The following LUZP4 variants were observed in gnomAD, a reference collection of about 807,000 sequenced individuals.
LUZP4 encodes leucine zipper protein 4.
Under a neutral mutation model 8.5 loss-of-function variants are expected in LUZP4, and 11 were observed. The observed-to-expected ratio is 1.30, with a 90% confidence interval of 0.82 to 2.14. The LOEUF is 2.14. Ranked by LOEUF, LUZP4 falls within the 30% of genes most tolerant of loss-of-function variation. The pLI, the probability that LUZP4 is intolerant of heterozygous loss-of-function variation, is 0.00. For missense variants in LUZP4, 276 were observed against 229.7 expected (o/e 1.20, Z -1.30); for synonymous variants, 104 against 79.4 (o/e 1.31, Z -1.65).
At chrX:115,294,318 T>A (rs1480396851) in intron 1 of LUZP4, among the ~76,000 whole-genome samples, 1 of 112,240 alleles carries the variant, frequency 8.9e-6, no homozygotes, top group Non-Finnish European at 1.9e-5. Context: ...AAAAATGTAG[T>A]AGTTGTGTGA....
intron 1 of LUZP4, 133 bp downstream of exon 1, chrX:115,289,983 G>C (rs2073341278): frequency 2.3e-6 from 1 of 440,969 alleles, no homozygotes; most frequent in African/African-American, 2.4e-5. Flanking sequence ...CCCCTTCAGG[G>C]CATCTCCGCA....
intron 1 of LUZP4, among the ~76,000 whole-genome samples, chrX:115,299,765 C>G (rs1443327601): frequency 9.0e-5 from 10 of 111,305 alleles, no homozygotes; most frequent in African/African-American, 2.9e-4. Context: ...ATTCCAAGAG[C>G]CCACTTGGTG....
intron 1 of LUZP4, among the ~76,000 whole-genome samples, chrX:115,299,864 T>C (rs2073388591): frequency 8.9e-6 from 1 of 111,846 alleles, no homozygotes; most frequent in Non-Finnish European, 1.9e-5. Context: ...TGGGTATTGC[T>C]GCTAGTTATT....
chrX:115,300,438 C>T (rs782812581), intron 1 of LUZP4, among the ~76,000 whole-genome samples: 19 of 112,524 alleles, frequency 1.7e-4, no homozygotes, highest in Non-Finnish European at 2.6e-4. Context: ...AGAAAGTTTA[C>T]GAATTTGTGT....
At chrX:115,291,460 G>A (rs1247250215) in intron 1 of LUZP4, among the ~76,000 whole-genome samples, 2 of 111,052 alleles carry the variant, frequency 1.8e-5, no homozygotes, top group East Asian at 2.9e-4. Context: ...CTTCAATGTG[G>A]AAGCGCAGGA....
intron 1 of LUZP4, among the ~76,000 whole-genome samples, chrX:115,294,972 A>G (rs957780914): frequency 8.9e-6 from 1 of 112,296 alleles, no homozygotes; most frequent in African/African-American, 3.2e-5. Context: ...CTCTATATCC[A>G]TATTTATACC....
chrX:115,298,906 T>C (rs1556600262), intron 1 of LUZP4, among the ~76,000 whole-genome samples: 1 of 111,457 alleles, frequency 9.0e-6, no homozygotes, highest in African/African-American at 3.3e-5. Flanking sequence ...TTTATTGTAG[T>C]CTTCACTGTC....
At chrX:115,295,363 G>A (rs1213344918) in intron 1 of LUZP4, among the ~76,000 whole-genome samples, 4 of 112,416 alleles carry the variant, frequency 3.6e-5, no homozygotes, top group African/African-American at 1.3e-4. Flanking sequence ...ACAGCCGTGA[G>A]CCACCGTGCC....
rs1345537849 is a variant in LUZP4, at chrX:115,306,732, G to C, written c.870G>C (p.Gln290His). ...LVATERDLIN[Q>H]SGRSHGQSER... ...CCACTGAGAGAGATCTCATAAATCAGTCAGGGAGATCTCATGGCCAATCAG... is the reference window on the plus strand; with the variant it reads ...CCACTGAGAGAGATCTCATAAATCACTCAGGGAGATCTCATGGCCAATCAG... Residue 290 changes from glutamine (Q) to histidine (H), a missense_variant, in exon 4 of 4, where the codon CAG becomes CAC. Physicochemically the swap from Gln to His is conservative, Grantham distance 24. Transcript: ENST00000371920. The C allele has an allele frequency of 3.3e-6, 4 of 1,201,457 alleles. No homozygotes were observed. In the African/African-American group the frequency reaches 7.1e-5, roughly 21 times the overall value.
intron 1 of LUZP4, among the ~76,000 whole-genome samples, chrX:115,296,678 G>A (rs1314323280): frequency 3.6e-5 from 4 of 110,441 alleles, no homozygotes; most frequent in African/African-American, 6.6e-5. Context: ...TCTCTAAGTC[G>A]TAGCTGGTGA....
Position 115,290,322 on chromosome X carries a change from G to A in LUZP4, c.91+472G>A, listed in dbSNP as rs191504244. Among the ~76,000 whole-genome samples, 3 of 111,135 alleles carry A rather than the reference G, an allele frequency of 2.7e-5. No individual in the cohort carries two copies. In the East Asian group the frequency reaches 8.6e-4, roughly 32 times the overall value. On this transcript the variant is annotated intron_variant, in intron 1 of 3. Transcript: ENST00000371920. The stretch of plus-strand genomic sequence containing the variant: ...TTAGGCTATTTTACTAGGGATCCCG[G>A]CGTGGTAGTGCTAGGAGTTGTTGGT...
Position 115,293,916 on chromosome X carries a change from A to C in LUZP4, c.91+4066A>C, listed in dbSNP as rs1556598014. ...CAGTGAGCCGAGATTGTGCCACTGC[A>C]CTCCAGCCTGGGTGATGGAACTAGA... On this transcript the variant is annotated intron_variant, in intron 1 of 3. Transcript: ENST00000371920. Among the ~76,000 whole-genome samples, 6 of 109,194 alleles carry C rather than the reference A, an allele frequency of 5.5e-5. No homozygotes were observed. The South Asian group carries it at 2.4e-3, about 44-fold the overall frequency. 94.8% of individuals were successfully genotyped at this position (109,194 alleles called of 115,157 possible). A position where few individuals can be genotyped will look rare whatever the true frequency, so the allele number is the denominator to read the frequency against.
chrX:115,305,696 T>G (rs1356324333), intron 3 of LUZP4, among the ~76,000 whole-genome samples: 1 of 112,638 alleles, frequency 8.9e-6, no homozygotes, highest in East Asian at 2.8e-4. Context: ...ACCTTCTGCT[T>G]TTTTTACAAC....
In LUZP4 at chrX:115,306,560, G is replaced by C; in HGVS notation, c.698G>C (p.Arg233Pro). ...ERSHGHSKRS[R>P]SQGDLVDTQS... is the part of the protein sequence containing the mutation. ...TCTCATGGTCACTCAAAGAGATCTC[G>C]TAGCCAGGGAGATCTTGTGGACACT... The change falls in exon 4 of 4, where the codon CGT (arginine) becomes CCT (proline). Residue 233 changes from arginine to proline, a missense_variant. Physicochemically the swap from Arg to Pro is moderately radical, Grantham distance 103. Transcript: ENST00000371920. 1 of 1,206,317 alleles carries C rather than the reference G, an allele frequency of 8.3e-7. No homozygotes were observed. The highest frequency in any genetic ancestry group is 1.1e-6 in the Non-Finnish European group (1 of 894,521).
intron 1 of LUZP4, among the ~76,000 whole-genome samples, chrX:115,299,753 G>A (rs904267159): frequency 9.0e-6 from 1 of 111,093 alleles, no homozygotes; most frequent in Admixed American, 9.6e-5. Context: ...CTGGAATCAC[G>A]GATTCCAAGA....
chrX:115,294,365 T>G (rs2073361484), intron 1 of LUZP4, among the ~76,000 whole-genome samples: 1 of 112,091 alleles, frequency 8.9e-6, no homozygotes. Context: ...GGGCCTGAGT[T>G]TCCTGATCTG....
In LUZP4 at chrX:115,292,699, G is replaced by T. The variant is rs191258617; in HGVS notation, c.91+2849G>T. Among the ~76,000 whole-genome samples the T allele has an allele frequency of 2.0e-4, 22 of 110,959 alleles. No homozygotes were observed. In the East Asian group the frequency reaches 5.7e-3, roughly 29 times the overall value. ...GATTGGACATCCTTGACTTGTTTCT[G>T]ATCTTAGGGAGAAAAGCTTTCAGTT... is the stretch of plus-strand genomic sequence containing the variant. On this transcript the variant is annotated intron_variant, in intron 1 of 3. Transcript: ENST00000371920.
At chrX:115,296,871 A>G (rs1004427903) in intron 1 of LUZP4, among the ~76,000 whole-genome samples, 25 of 112,294 alleles carry the variant, frequency 2.2e-4, no homozygotes, top group African/African-American at 8.1e-4. Flanking sequence ...GTTCACACCT[A>G]TAATCCCAGG....
chrX:115,307,049 C>T lies in LUZP4; in HGVS notation c.*245C>T, dbSNP rs1364165229. 11 of 379,215 alleles carry T rather than the reference C, an allele frequency of 2.9e-5. No homozygotes were observed. Among genetic ancestry groups the T allele is most frequent in the East Asian group, 4.4e-5 (1 of 22,791 alleles). 31.3% of individuals were successfully genotyped at this position (379,215 alleles called of 1,213,427 possible). ...GCTTTCCCTGGAAGAGCCGTATGTA[C>T]TCAGCCTTTCCTATTGGGCCTTCCC... is the stretch of plus-strand genomic sequence containing the variant. On this transcript the variant is annotated 3_prime_UTR_variant, in exon 4 of 4. Coordinates refer to ENST00000371920, the MANE Select transcript of LUZP4 (RefSeq NM_016383.5).
Sources: allele counts gnomAD v4.1 joint callset (sites outside exome capture counted in the v4.1 genomes callset), GRCh38; gene constraint gnomAD v4.1.1; transcripts MANE v1.5; gene names NCBI Gene and HGNC (gene_info 2026-07-23, HGNC 2026-07-21).